The following KCTD8 variants were observed in gnomAD, a reference collection of about 807,000 sequenced individuals.
The protein encoded by KCTD8 is potassium channel tetramerization domain containing 8.
In KCTD8, 27 loss-of-function variants were observed where a neutral mutation model predicts 31.5. The observed-to-expected ratio is 0.86, with a 90% CI of 0.63 to 1.18. KCTD8 has a LOEUF of 1.18. Among genes scored for constraint, KCTD8 ranks in the 50% most tolerant of loss-of-function variants. The probability of loss-of-function intolerance (pLI) is 0.00; values close to 1 mark genes in which losing one functional copy is unlikely to be tolerated. For missense variants in KCTD8, 658 were observed against 647.7 expected (o/e 1.02, Z -0.17); for synonymous variants, 290 against 280.0 (o/e 1.04, Z -0.36).
At chr4:44,235,525 T>TTTTA (rs1715250997) in intron 1 of KCTD8, among the ~76,000 whole-genome samples, 1 of 55,064 alleles carries the variant, frequency 1.8e-5, no homozygotes, top group African/African-American at 5.7e-5. Context: ...AGACACTGGA[T>TTTTA]TATATATATA....
chr4:44,432,917 GCC>G (rs1348126694), intron 1 of KCTD8, among the ~76,000 whole-genome samples: 1 of 151,378 alleles, frequency 6.6e-6, no homozygotes, highest in Non-Finnish European at 1.5e-5. Context: ...AACTTGTTTC[GCC>G]CATAGCTTCC....
At chr4:44,443,363 G>A (rs1409867055) in intron 1 of KCTD8, among the ~76,000 whole-genome samples, 1 of 152,188 alleles carries the variant, frequency 6.6e-6, no homozygotes, top group Non-Finnish European at 1.5e-5. Context: ...TAAACAGAAT[G>A]ATTTTTAAAG....
At chr4:44,446,723 G>A (rs183880054) in intron 1 of KCTD8, among the ~76,000 whole-genome samples, 53 of 152,230 alleles carry the variant, frequency 3.5e-4, no homozygotes, top group South Asian at 1.7e-3. Flanking sequence ...CTCAACCCCC[G>A]CTTTCGCGCT....
intron 1 of KCTD8, among the ~76,000 whole-genome samples, chr4:44,415,348 G>A (rs1721049944): frequency 6.6e-6 from 1 of 152,134 alleles, no homozygotes; most frequent in Non-Finnish European, 1.5e-5. Flanking sequence ...TTGCAGGCTG[G>A]CCCTGTGGTA....
At chr4:44,185,175 C>T (rs1364338114) in intron 1 of KCTD8, among the ~76,000 whole-genome samples, 8 of 152,264 alleles carry the variant, frequency 5.3e-5, no homozygotes, top group South Asian at 2.1e-4. Context: ...GTAAACCATG[C>T]GCACATTCAC....
At chr4:44,189,011 C>T (rs1283780728) in intron 1 of KCTD8, among the ~76,000 whole-genome samples, 4 of 152,076 alleles carry the variant, frequency 2.6e-5, no homozygotes, top group Non-Finnish European at 5.9e-5. Flanking sequence ...ATTCCTGGCC[C>T]TTGGTAGATA....
chr4:44,203,293 A>T (rs1714203129), intron 1 of KCTD8, among the ~76,000 whole-genome samples: 1 of 152,150 alleles, frequency 6.6e-6, no homozygotes, highest in Non-Finnish European at 1.5e-5. Flanking sequence ...ACCTGAGGTC[A>T]GGAGTTCGAG....
intron 1 of KCTD8, among the ~76,000 whole-genome samples, chr4:44,272,121 T>A (rs866657785): frequency 3.2e-4 from 45 of 142,508 alleles, no homozygotes; most frequent in African/African-American, 1.2e-3. Context: ...TGGTATTATA[T>A]TATATATATA....
At chr4:44,359,064 CT>C (rs1483891934) in intron 1 of KCTD8, among the ~76,000 whole-genome samples, 19 of 152,150 alleles carry the variant, frequency 1.2e-4, no homozygotes, top group South Asian at 2.1e-4. Flanking sequence ...GGATATTAGC[CT>C]TTTGTCAGAT....
intron 1 of KCTD8, among the ~76,000 whole-genome samples, chr4:44,330,575 GA>G (rs1313029840): frequency 6.6e-6 from 1 of 151,858 alleles, no homozygotes; most frequent in Non-Finnish European, 1.5e-5. Context: ...CAGTTATGAA[GA>G]AAAACTAGCA....
At chr4:44,271,482 GC>G (rs1242093658) in intron 1 of KCTD8, among the ~76,000 whole-genome samples, 2 of 152,066 alleles carry the variant, frequency 1.3e-5, no homozygotes, top group Admixed American at 1.3e-4. Context: ...CTGGGGATAG[GC>G]CCCCAAATCT....
intron 1 of KCTD8, among the ~76,000 whole-genome samples, chr4:44,333,477 A>G (rs17599619): frequency 1.3e-5 from 2 of 152,048 alleles, no homozygotes; most frequent in Admixed American, 6.6e-5. Flanking sequence ...GTATCAATCA[A>G]CAAAGGCAGA....
At chr4:44,359,729 G>C (rs186746006) in intron 1 of KCTD8, among the ~76,000 whole-genome samples, 101 of 152,170 alleles carry the variant, frequency 6.6e-4, no homozygotes, top group Non-Finnish European at 1.2e-3. Context: ...TTTAAGCTTA[G>C]ATAAAACTTC....
intron 1 of KCTD8, among the ~76,000 whole-genome samples, chr4:44,419,222 A>G (rs1721149835): frequency 6.6e-6 from 1 of 152,196 alleles, no homozygotes; most frequent in Non-Finnish European, 1.5e-5. Context: ...GTGCATTCAA[A>G]TCACCAACAG....
chr4:44,279,263 CTG>C (rs1388891754), intron 1 of KCTD8, among the ~76,000 whole-genome samples: 1 of 152,042 alleles, frequency 6.6e-6, no homozygotes, highest in East Asian at 1.9e-4. Context: ...ACAAGGTTAT[CTG>C]TGTAAAGTCT....
intron 1 of KCTD8, among the ~76,000 whole-genome samples, chr4:44,351,823 C>T (rs1337527663): frequency 6.6e-6 from 1 of 152,048 alleles, no homozygotes; most frequent in Non-Finnish European, 1.5e-5. Context: ...GTAGTTATAG[C>T]TACACAACTG....
At position 44,390,670 on chromosome 4, in the gene KCTD8, G is replaced by A. The variant is rs573106135; in HGVS notation, c.961+56893C>T. On this transcript the variant is annotated intron_variant, in intron 1 of 1. Coordinates refer to ENST00000360029, the MANE Select transcript of KCTD8 (RefSeq NM_198353.3). ...TTAGGATTGTTTTTTCTAGTTCTGC[G>A]AAGCATAACGCGATACCACCTTATT... 7.9e-5 allele frequency among the ~76,000 whole-genome samples: 12 copies of A among 151,800 alleles called. No individual in the cohort carries two copies. The South Asian group carries it at 1.2e-3, about 16-fold the overall frequency.
chr4:44,181,536 C>A (rs1560387720), intron 1 of KCTD8, among the ~76,000 whole-genome samples: 1 of 152,208 alleles, frequency 6.6e-6, no homozygotes, highest in Non-Finnish European at 1.5e-5. Flanking sequence ...ACGGAGTCTC[C>A]TTCACTCAGT....
intron 1 of KCTD8, among the ~76,000 whole-genome samples, chr4:44,271,678 C>T (rs373208216): frequency 4.6e-5 from 7 of 152,140 alleles, no homozygotes; most frequent in African/African-American, 1.7e-4. Flanking sequence ...ATAGCATGAG[C>T]GATCTGTGCC....
Sources: allele counts gnomAD v4.1 joint callset (sites outside exome capture counted in the v4.1 genomes callset), GRCh38; gene constraint gnomAD v4.1.1; transcripts MANE v1.5; gene names NCBI Gene and HGNC (gene_info 2026-07-23, HGNC 2026-07-21).